Variants in PPP3R1 observed in about 807,000 individuals in gnomAD.
PPP3R1 encodes the protein calcineurin subunit B type 1.
A neutral mutation model predicts 22.6 loss-of-function variants in PPP3R1; 5 were observed. That is an observed-to-expected ratio of 0.22 (90% CI 0.12 to 0.46). PPP3R1 has a LOEUF of 0.46. Among genes scored for constraint, PPP3R1 ranks in the 20% least tolerant of loss-of-function variants. The pLI, the probability that PPP3R1 is intolerant of heterozygous loss-of-function variation, is 0.99. For missense variants in PPP3R1, 61 were observed against 203.2 expected (o/e 0.30, Z 4.25); for synonymous variants, 56 against 65.2 (o/e 0.86, Z 0.68).
chr2:68,195,118 G>C (rs1558629701), intron 2 of PPP3R1, among the ~76,000 whole-genome samples: 1 of 152,054 alleles, frequency 6.6e-6, no homozygotes, highest in Admixed American at 6.5e-5. Flanking sequence ...ATAATTCTGT[G>C]AGATGTTAAC....
rs868461369 is a variant in PPP3R1 at position 68,237,315 on chromosome 2, C to T, written c.3+14810G>A. Among the ~76,000 whole-genome samples the T allele has an allele frequency of 4.6e-5, 7 of 152,188 alleles. No homozygotes were observed. The South Asian group carries it at 8.3e-4, about 18-fold the overall frequency. Reference sequence around the variant, plus strand: ...ATCAAACATCTTAAATAATTACCTACGCCAATACTCAGAAGAACTGTGAAT... The same window carrying T: ...ATCAAACATCTTAAATAATTACCTATGCCAATACTCAGAAGAACTGTGAAT... On this transcript the variant is annotated intron_variant, in intron 1 of 5. Coordinates refer to ENST00000234310, the MANE Select transcript of PPP3R1 (RefSeq NM_000945.4).
chr2:68,239,172 G>A (rs1483725794), intron 1 of PPP3R1, among the ~76,000 whole-genome samples: 1 of 152,180 alleles, frequency 6.6e-6, no homozygotes, highest in African/African-American at 2.4e-5. Context: ...TCAAGAGGAA[G>A]GATGTGAACT....
intron 2 of PPP3R1, among the ~76,000 whole-genome samples, chr2:68,196,175 C>A (rs1055190452): frequency 6.6e-6 from 1 of 152,064 alleles, no homozygotes; most frequent in East Asian, 1.9e-4. Context: ...AACAAAAAAC[C>A]TCATAGTGTT....
intron 2 of PPP3R1, among the ~76,000 whole-genome samples, chr2:68,198,551 T>C (rs968343572): frequency 6.7e-6 from 1 of 148,198 alleles, no homozygotes; most frequent in Non-Finnish European, 1.5e-5. Context: ...TTCTGTTTCA[T>C]TGATTTTAGT....
chr2:68,212,743 G>A (rs561534140), intron 2 of PPP3R1, among the ~76,000 whole-genome samples: 2 of 152,348 alleles, frequency 1.3e-5, no homozygotes, highest in Admixed American at 1.3e-4. Context: ...GAGCACAGGA[G>A]AGGAAATTTA....
chr2:68,219,769 A>C (rs1003796207), intron 1 of PPP3R1, among the ~76,000 whole-genome samples: 1 of 152,234 alleles, frequency 6.6e-6, no homozygotes. Context: ...TCAACTAAAC[A>C]AAACCATAAA....
chr2:68,224,143 A>T (rs1669739584), intron 1 of PPP3R1, among the ~76,000 whole-genome samples: 1 of 152,212 alleles, frequency 6.6e-6, no homozygotes, highest in Admixed American at 6.5e-5. Context: ...AAGAAAACCC[A>T]GCTATATTTG....
chr2:68,220,421 G>A lies in PPP3R1; in HGVS notation c.4-3290C>T, dbSNP rs1669665951. Among the ~76,000 whole-genome samples, 10 of 152,328 alleles carry A rather than the reference G, an allele frequency of 6.6e-5. No homozygotes were observed. The South Asian group carries it at 1.9e-3, about 28-fold the overall frequency. On this transcript the variant is annotated intron_variant, in intron 1 of 5. Coordinates refer to ENST00000234310, the MANE Select transcript of PPP3R1 (RefSeq NM_000945.4). The stretch of plus-strand genomic sequence containing the variant: ...AATAACTTTTGGGAGTTTGCACAGA[G>A]CTAGGAATAGTTCATGATCCCATGG...
chr2:68,227,440 T>C (rs553876355), intron 1 of PPP3R1, among the ~76,000 whole-genome samples: 4 of 152,174 alleles, frequency 2.6e-5, no homozygotes, highest in Non-Finnish European at 5.9e-5. Context: ...CTAGAACAGA[T>C]TCTCCTTATT....
At chr2:68,218,536 C>T (rs1322558093) in intron 1 of PPP3R1, among the ~76,000 whole-genome samples, 1 of 152,022 alleles carries the variant, frequency 6.6e-6, no homozygotes, top group East Asian at 1.9e-4. Context: ...GCTTACTTTG[C>T]ACATTACTTA....
intron 1 of PPP3R1, among the ~76,000 whole-genome samples, chr2:68,237,773 C>G (rs1444404380): frequency 6.6e-6 from 1 of 151,878 alleles, no homozygotes; most frequent in African/African-American, 2.4e-5. Context: ...AGTAAGTGAA[C>G]ATTAAATGTT....
At chr2:68,197,416 T>A (rs1674809847) in intron 2 of PPP3R1, among the ~76,000 whole-genome samples, 2 of 152,202 alleles carry the variant, frequency 1.3e-5, no homozygotes, top group Non-Finnish European at 2.9e-5. Context: ...TACCACAATT[T>A]GTTTATGCAT....
chr2:68,213,110 CTG>C (rs1292777385), intron 2 of PPP3R1, among the ~76,000 whole-genome samples: 1 of 152,206 alleles, frequency 6.6e-6, no homozygotes, highest in Admixed American at 6.5e-5. Context: ...AGCAATAAGA[CTG>C]TTTCATTTTC....
chr2:68,182,880 A>G (rs2103713580), intron 5 of PPP3R1, among the ~76,000 whole-genome samples: 1 of 152,224 alleles, frequency 6.6e-6, no homozygotes, highest in Middle Eastern at 3.4e-3. Context: ...TTATAATTCA[A>G]CCCCTAACTT....
At chr2:68,236,078 T>C (rs956096929) in intron 1 of PPP3R1, among the ~76,000 whole-genome samples, 20 of 126,228 alleles carry the variant, frequency 1.6e-4, no homozygotes, top group Non-Finnish European at 3.2e-4. Context: ...ATATCCTGAA[T>C]AGAAATTTCT....
chr2:68,222,531 T>C (rs1352845329), intron 1 of PPP3R1, among the ~76,000 whole-genome samples: 2 of 152,212 alleles, frequency 1.3e-5, no homozygotes, highest in East Asian at 3.8e-4. Flanking sequence ...AAGATTGAAT[T>C]AGTTCTCTGC....
rs764763885 is a variant in PPP3R1, at chr2:68,198,405, G to GTATATA, written c.44-9716_44-9715insTATATA. On this transcript the variant is annotated intron_variant, in intron 2 of 5. Coordinates refer to ENST00000234310, the MANE Select transcript of PPP3R1 (RefSeq NM_000945.4). ...TATGCATATATATGTATATATATGT[G>GTATATA]TATGTATATGCATATATACGTATAT... is the stretch of plus-strand genomic sequence containing the variant. Among the ~76,000 whole-genome samples, 3 of 81,830 alleles carry GTATATA rather than the reference G, an allele frequency of 3.7e-5. 1 individual carries two copies. Among genetic ancestry groups the GTATATA allele is most frequent in the African/African-American group, 1.4e-4 (3 of 21,196 alleles). The allele number at this position is 81,830 out of a possible 152,430, so 53.7% of individuals were successfully genotyped here.
chr2:68,186,413 T>C, intron 5 of PPP3R1, 55 bp downstream of exon 5: 1 of 1,495,442 alleles, frequency 6.7e-7, no homozygotes, highest in Non-Finnish European at 9.0e-7. Context: ...TAAGTGGTTT[T>C]TAAAATATGT....
rs77033170 is a variant in PPP3R1, at chr2:68,210,084, C to A, written c.43+7008G>T. On this transcript the variant is annotated intron_variant, in intron 2 of 5. Coordinates refer to ENST00000234310, the MANE Select transcript of PPP3R1 (RefSeq NM_000945.4). ...AGGTAAGATGTCTCCTCAAGCAAGG[C>A]AAGCCCAGCCTCATGAAACAGGGGC... 6.6e-3 allele frequency among the ~76,000 whole-genome samples: 1,001 copies of A among 152,268 alleles called. 6 individuals are homozygous for A. The highest frequency in any genetic ancestry group is 0.022 in the African/African-American group (898 of 41,544).
Sources: allele counts gnomAD v4.1 joint callset (sites outside exome capture counted in the v4.1 genomes callset), GRCh38; gene constraint gnomAD v4.1.1; transcripts MANE v1.5; gene names NCBI Gene and HGNC (gene_info 2026-07-23, HGNC 2026-07-21).